VPS13D: variants seen among roughly 807,000 people sequenced by gnomAD.
The protein encoded by VPS13D is vacuolar protein sorting 13 homolog D.
A neutral mutation model predicts 461.9 loss-of-function variants in VPS13D; 187 were observed. The observed-to-expected ratio is 0.40, with a 90% CI of 0.36 to 0.46. VPS13D has a LOEUF of 0.46. Ranked by LOEUF, VPS13D falls within the 20% of genes least tolerant of loss-of-function variation. VPS13D has a pLI of 0.60. For missense variants in VPS13D, 4,711 were observed against 5,364.9 expected (o/e 0.88, Z 3.81); for synonymous variants, 1,951 against 1,986.3 (o/e 0.98, Z 0.47).
chr1:12,495,122 G>C lies in VPS13D; in HGVS notation c.12663-2378G>C, dbSNP rs1386203390. Among the ~76,000 whole-genome samples, 3 of 151,674 alleles carry C rather than the reference G, an allele frequency of 2.0e-5. No homozygotes were observed. Among genetic ancestry groups the C allele is most frequent in the Non-Finnish European group, 2.9e-5 (2 of 67,972 alleles). ...GGGATGGAAAGCAAATGTGCTTTGA[G>C]CAGATGACTGACTTGATGTAACTTA... On this transcript the variant is annotated intron_variant, in intron 67 of 69. Coordinates refer to ENST00000620676, the MANE Select transcript of VPS13D (RefSeq NM_015378.4). This position sits in a 1 kb window ranked among gnomAD's most constrained non-coding sequence, Gnocchi z 4.0.
chr1:12,316,665 G>A (rs2101515073), intron 30 of VPS13D, among the ~76,000 whole-genome samples: 1 of 152,322 alleles, frequency 6.6e-6, no homozygotes, highest in South Asian at 2.1e-4. Context: ...GAGGAGCAGA[G>A]AAACCAGCCT....
rs1246560111 is a variant in VPS13D at position 12,460,269 on chromosome 1, A to G, written c.12535A>G (p.Ser4179Gly). ...VEGVKTEGGV[S>G]GFISGLGKGL... Reference sequence around the variant, plus strand: ...AGGTGTGAAAACAGAAGGGGGTGTCAGCGGTTTCATATCTGGCCTTGGAAA... The same window carrying G: ...AGGTGTGAAAACAGAAGGGGGTGTCGGCGGTTTCATATCTGGCCTTGGAAA... Residue 4179 changes from serine to glycine, a missense_variant, in exon 67 of 70, where the codon AGC becomes GGC. Ser to Gly is a moderately conservative substitution (Grantham distance 56). Transcript: ENST00000620676. 6.2e-7 allele frequency: 1 copy of G among 1,612,246 alleles called. No individual in the cohort carries two copies. Among genetic ancestry groups the G allele is most frequent in the Admixed American group, 1.7e-5 (1 of 59,744 alleles).
At chr1:12,430,287 A>C (rs1408283544) in intron 65 of VPS13D, among the ~76,000 whole-genome samples, 2 of 152,186 alleles carry the variant, frequency 1.3e-5, no homozygotes, top group Non-Finnish European at 2.9e-5. Flanking sequence ...TTAAAGAGTC[A>C]AGTTTATCCC....
intron 65 of VPS13D, among the ~76,000 whole-genome samples, chr1:12,421,622 A>G (rs887956826): frequency 2.0e-5 from 3 of 152,224 alleles, no homozygotes; most frequent in Admixed American, 6.5e-5. Flanking sequence ...TACTTCTTAA[A>G]TTAACAAAAT....
At chr1:12,269,307 T>C (rs982187301) in intron 16 of VPS13D, among the ~76,000 whole-genome samples, 1 of 152,226 alleles carries the variant, frequency 6.6e-6, no homozygotes, top group African/African-American at 2.4e-5. Flanking sequence ...GTTCATCATC[T>C]TTTTTAGGTT....
At chr1:12,365,234 A>T (rs1644017439) in intron 52 of VPS13D, among the ~76,000 whole-genome samples, 1 of 152,178 alleles carries the variant, frequency 6.6e-6, no homozygotes, top group Admixed American at 6.5e-5. Context: ...TGTTTTCTCT[A>T]TTCAGAGTTC....
rs1020748994 is a variant in VPS13D, at chr1:12,282,812, C to T, written c.4710C>T (p.Cys1570=). The T allele has an allele frequency of 4.3e-6, 7 of 1,614,030 alleles. No homozygotes were observed. The African/African-American group carries it at 8.0e-5, about 18-fold the overall frequency. The stretch of plus-strand genomic sequence containing the variant: ...CAGCCAGTGCTACCTCCTCCCCTTG[C>T]CCTGATTCTCCTCTGCCTCCCCTCA... ...KYPASATSSP[C]PDSPLPPLST... is the part of the protein sequence containing the mutation. Residue 1570 remains cysteine (C), a synonymous_variant, in exon 21 of 70, where the codon TGC becomes TGT. Transcript: ENST00000620676.
intron 67 of VPS13D, among the ~76,000 whole-genome samples, chr1:12,493,339 T>C (rs1482640120): frequency 2.6e-5 from 4 of 151,758 alleles, no homozygotes; most frequent in African/African-American, 9.7e-5. Flanking sequence ...AAAAATTAGC[T>C]GGGCATGGTG....
At chr1:12,412,112 G>A (rs1181273353) in intron 63 of VPS13D, among the ~76,000 whole-genome samples, 1 of 152,068 alleles carries the variant, frequency 6.6e-6, no homozygotes, top group African/African-American at 2.4e-5. Context: ...AACCAAAGAC[G>A]TATAAGACCT....
chr1:12,348,301 C>G (rs1427975688), intron 44 of VPS13D, among the ~76,000 whole-genome samples: 1 of 152,182 alleles, frequency 6.6e-6, no homozygotes, highest in Non-Finnish European at 1.5e-5. Context: ...GAAGGTAAAT[C>G]ATTTAATGTT....
At chr1:12,333,840 T>C (rs1423026673) in intron 38 of VPS13D, among the ~76,000 whole-genome samples, 1 of 152,244 alleles carries the variant, frequency 6.6e-6, no homozygotes, top group East Asian at 1.9e-4. Flanking sequence ...TGGTGTGTTA[T>C]CTAAAAGTAT....
In VPS13D at chr1:12,507,332, G is replaced by A. The variant is rs541733121; in HGVS notation, c.13035+239G>A. 22 of 750,074 alleles carry A rather than the reference G, an allele frequency of 2.9e-5. 1 individual carries two copies. The East Asian group carries it at 5.5e-4, about 19-fold the overall frequency. 46.5% of individuals were successfully genotyped at this position (750,074 alleles called of 1,614,324 possible). The stretch of plus-strand genomic sequence containing the variant: ...ACATTAACTGCCTCACAACGTTTGT[G>A]CCTCAGTTACCCGTAGATGTAGTGA... On this transcript the variant is annotated intron_variant, in intron 69 of 69. Coordinates refer to ENST00000620676, the MANE Select transcript of VPS13D (RefSeq NM_015378.4). The surrounding 1 kb of genome is among the most constrained non-coding windows in gnomAD (Gnocchi z 5.3).
At chr1:12,455,869 A>C in intron 65 of VPS13D, 129 bp from the exon 66 acceptor site, 3 of 1,151,350 alleles carry the variant, frequency 2.6e-6, no homozygotes, top group Non-Finnish European at 3.4e-6. Flanking sequence ...TGATGAGATG[A>C]GATCACACCA....
Position 12,338,314 on chromosome 1 carries a change from T to C in VPS13D, c.8626+9T>C, listed in dbSNP as rs777658889. 2.5e-6 allele frequency: 4 copies of C among 1,612,582 alleles called. No individual in the cohort carries two copies. ...CCAGATCTATGCTAGAGGTACAGTATAGCCAAGCGAGGGCTTGCTTTATTT... is the reference window on the plus strand; with the variant it reads ...CCAGATCTATGCTAGAGGTACAGTACAGCCAAGCGAGGGCTTGCTTTATTT... On this transcript the variant is annotated intron_variant, in intron 40 of 69. Coordinates refer to ENST00000620676, the MANE Select transcript of VPS13D (RefSeq NM_015378.4).
At chr1:12,269,899 G>A (rs894565688) in intron 16 of VPS13D, among the ~76,000 whole-genome samples, 3 of 152,134 alleles carry the variant, frequency 2.0e-5, no homozygotes, top group Middle Eastern at 3.2e-3. Flanking sequence ...TGTAATCCTA[G>A]AACTTTGAGA....
Position 12,318,210 on chromosome 1 carries a change from T to C in VPS13D, c.7287T>C (p.Ser2429=), listed in dbSNP as rs1642940305. Residue 2429 remains serine, a synonymous_variant, in exon 31 of 70, where the codon TCT becomes TCC. Transcript: ENST00000620676. The part of the protein sequence containing the change: ...DIKKQNHVTP[S]RHRNSSSESA... ...AGAAACAAAATCATGTTACTCCTTC[T>C]CGCCACCGTAACTCTAGCAGCGAAT... is the stretch of plus-strand genomic sequence containing the variant. The C allele has an allele frequency of 6.2e-7, 1 of 1,614,174 alleles. No homozygotes were observed. The highest frequency in any genetic ancestry group is 2.2e-5 in the East Asian group (1 of 44,886).
intron 29 of VPS13D, among the ~76,000 whole-genome samples, chr1:12,313,613 A>C (rs1345997290): frequency 6.6e-6 from 1 of 152,110 alleles, no homozygotes; most frequent in African/African-American, 2.4e-5. Flanking sequence ...TTCCAAATGC[A>C]TTTCCTGTTG....
intron 3 of VPS13D, 139 bp from the exon 4 acceptor site, chr1:12,244,107 G>A: frequency 1.3e-6 from 1 of 772,236 alleles, no homozygotes; most frequent in Non-Finnish European, 2.0e-6. Flanking sequence ...ATGTGCAAGA[G>A]CCTGCTGCCT....
intron 65 of VPS13D, among the ~76,000 whole-genome samples, chr1:12,435,989 T>G (rs970340796): frequency 6.6e-6 from 1 of 152,204 alleles, no homozygotes; most frequent in African/African-American, 2.4e-5. Flanking sequence ...ACTATAGATT[T>G]ATGTGCAAAA....
Sources: gnomAD v4.1 joint callset for allele counts (sites outside exome capture counted in the v4.1 genomes callset) on GRCh38, gnomAD v4.1.1 for gene constraint, Gnocchi (gnomAD v3.1) non-coding constraint, MANE v1.5 for transcripts, NCBI Gene and HGNC (gene_info 2026-07-23, HGNC 2026-07-21) for gene names.